Variants in AGBL4 observed in about 807,000 individuals in gnomAD.
The protein encoded by AGBL4 is AGBL carboxypeptidase 4, also known as cytosolic carboxypeptidase 6.
A neutral mutation model predicts 66.4 loss-of-function variants in AGBL4; 58 were observed. The observed-to-expected ratio is 0.87, with a 90% CI of 0.71 to 1.09. AGBL4 has a LOEUF of 1.09. AGBL4 is among the 50% of genes least tolerant of loss of function. The pLI is 0.00. For missense variants in AGBL4, 579 were observed against 631.0 expected (o/e 0.92, Z 0.88); for synonymous variants, 234 against 222.9 (o/e 1.05, Z -0.44).
At chr1:49,978,520 T>C (rs55959876) in intron 1 of AGBL4, among the ~76,000 whole-genome samples, 276 of 152,162 alleles carry the variant, frequency 1.8e-3, no homozygotes, top group African/African-American at 6.5e-3. Context: ...TGCCCAACAA[T>C]AGGGACAATT....
chr1:49,942,178 A>C (rs1282417121), intron 1 of AGBL4, among the ~76,000 whole-genome samples: 1 of 152,162 alleles, frequency 6.6e-6, no homozygotes, highest in Non-Finnish European at 1.5e-5. Context: ...AAAGTGAACA[A>C]GTAAAACTGA....
chr1:49,687,251 C>A (rs1434452931), intron 3 of AGBL4, among the ~76,000 whole-genome samples: 3 of 152,134 alleles, frequency 2.0e-5, no homozygotes, highest in Non-Finnish European at 4.4e-5. Flanking sequence ...AGACAACTGC[C>A]ATAGTCCAAA....
intron 1 of AGBL4, among the ~76,000 whole-genome samples, chr1:49,932,559 G>A (rs1424294966): frequency 6.6e-6 from 1 of 152,126 alleles, no homozygotes; most frequent in Middle Eastern, 3.2e-3. Context: ...AGAATGGGAA[G>A]TCAAGACACT....
intron 2 of AGBL4, among the ~76,000 whole-genome samples, chr1:49,699,103 A>G (rs76772107): frequency 0.081 from 12,289 of 152,116 alleles, 693 homozygotes; most frequent in African/African-American, 0.17. Context: ...AATCTACCAT[A>G]GCTACAACCA....
Position 48,747,733 on chromosome 1 carries a change from C to G in AGBL4, c.635-84492G>C, listed in dbSNP as rs1224380922. 4.6e-5 allele frequency among the ~76,000 whole-genome samples: 7 copies of G among 152,228 alleles called. No individual in the cohort carries two copies. The East Asian group carries it at 1.4e-3, about 29-fold the overall frequency. On this transcript the variant is annotated intron_variant, in intron 6 of 13. Transcript: ENST00000371839. ...GGGCAACAAATACATGAAATTACAC[C>G]ATTTTCTATTCTTGTTGTATCGTAA...
intron 2 of AGBL4, among the ~76,000 whole-genome samples, chr1:49,707,631 C>T (rs1647311676): frequency 6.6e-6 from 1 of 151,832 alleles, no homozygotes; most frequent in African/African-American, 2.4e-5. Flanking sequence ...CTGGTGGATG[C>T]CGTTTCTTCA....
chr1:49,974,597 A>G (rs545527148), intron 1 of AGBL4, among the ~76,000 whole-genome samples: 3 of 152,302 alleles, frequency 2.0e-5, no homozygotes, highest in African/African-American at 4.8e-5. Flanking sequence ...GGTACTGATG[A>G]TCTAGCATTC....
chr1:48,613,906 GGTTGCCTCCAGTTGTGCAATAATTATGA>G (rs1645278862), intron 9 of AGBL4, among the ~76,000 whole-genome samples: 1 of 152,206 alleles, frequency 6.6e-6, no homozygotes, highest in Non-Finnish European at 1.5e-5. Flanking sequence ...CCATTCTCAA[GGTTGCCTCCAGTTGTGCAATAATTATGA>G]GTTAAGGCCA....
intron 4 of AGBL4, among the ~76,000 whole-genome samples, chr1:49,245,201 T>C (rs1403186849): frequency 6.7e-6 from 1 of 149,828 alleles, no homozygotes; most frequent in Non-Finnish European, 1.5e-5. Flanking sequence ...TATTAACCAA[T>C]CCTATCCAAC....
intron 6 of AGBL4, among the ~76,000 whole-genome samples, chr1:48,831,299 G>C (rs1646546847): frequency 6.6e-6 from 1 of 152,154 alleles, no homozygotes; most frequent in Non-Finnish European, 1.5e-5. Flanking sequence ...TTCCAGCTAT[G>C]ATCCAGGCGC....
In AGBL4 at chr1:48,853,937, T is replaced by A. The variant is rs1008767666; in HGVS notation, c.634+13254A>T. Among the ~76,000 whole-genome samples, 3 of 152,186 alleles carry A rather than the reference T, an allele frequency of 2.0e-5. No homozygotes were observed. In the East Asian group the frequency reaches 5.8e-4, roughly 29 times the overall value. On this transcript the variant is annotated intron_variant, in intron 6 of 13. Transcript: ENST00000371839. ...CAGCATCCTCCCAGCTAAAGTTAGATGAGCTCTTATCTCCTCTCAAACCTC... is the reference window on the plus strand; with the variant it reads ...CAGCATCCTCCCAGCTAAAGTTAGAAGAGCTCTTATCTCCTCTCAAACCTC...
At chr1:48,561,714 A>G (rs1644399591) in intron 11 of AGBL4, among the ~76,000 whole-genome samples, 1 of 152,148 alleles carries the variant, frequency 6.6e-6, no homozygotes, top group Non-Finnish European at 1.5e-5. Flanking sequence ...TTGAGCTGGG[A>G]CATGGGTGTT....
intron 1 of AGBL4, among the ~76,000 whole-genome samples, chr1:50,006,106 G>A (rs1188661560): frequency 2.0e-5 from 3 of 152,182 alleles, no homozygotes; most frequent in Non-Finnish European, 2.9e-5. Flanking sequence ...TTGGGAGGCC[G>A]AGGTAGGCAG....
intron 3 of AGBL4, among the ~76,000 whole-genome samples, chr1:49,525,199 A>T (rs1035694216): frequency 6.6e-6 from 1 of 152,112 alleles, no homozygotes; most frequent in Non-Finnish European, 1.5e-5. Context: ...ACTGGAGTTT[A>T]TATTGTATTG....
At chr1:48,804,808 G>T (rs1187080310) in intron 6 of AGBL4, among the ~76,000 whole-genome samples, 4 of 152,190 alleles carry the variant, frequency 2.6e-5, no homozygotes, top group Admixed American at 2.6e-4. Flanking sequence ...GCTGCAGATG[G>T]TGTTTTCTTC....
chr1:48,591,068 C>T, intron 9 of AGBL4, 83 bp from the exon 10 acceptor site: 4 of 1,144,710 alleles, frequency 3.5e-6, no homozygotes, highest in East Asian at 2.6e-5. Flanking sequence ...TACACACACA[C>T]ACCCCCCACA....
At chr1:48,841,011 A>G (rs980700110) in intron 6 of AGBL4, among the ~76,000 whole-genome samples, 9 of 152,206 alleles carry the variant, frequency 5.9e-5, no homozygotes, top group Non-Finnish European at 1.2e-4. Flanking sequence ...GAAAGCAGCT[A>G]TTCTCAAAAG....
At chr1:49,607,624 A>G (rs1374222425) in intron 3 of AGBL4, among the ~76,000 whole-genome samples, 2 of 152,112 alleles carry the variant, frequency 1.3e-5, no homozygotes, top group Non-Finnish European at 2.9e-5. Context: ...ATCCTTAATT[A>G]CAGTCTGCCT....
At chr1:48,978,507 A>G (rs1659512928) in intron 5 of AGBL4, among the ~76,000 whole-genome samples, 1 of 152,200 alleles carries the variant, frequency 6.6e-6, no homozygotes, top group Non-Finnish European at 1.5e-5. Context: ...AGCCACAGAC[A>G]GGCAATGCCC....
Sources: allele counts gnomAD v4.1 joint callset (sites outside exome capture counted in the v4.1 genomes callset), GRCh38; gene constraint gnomAD v4.1.1; transcripts MANE v1.5; gene names NCBI Gene and HGNC (gene_info 2026-07-23, HGNC 2026-07-21).